Variants in WDR49 observed in about 807,000 individuals in gnomAD.
The protein encoded by WDR49 is cilia- and flagella-associated protein 337.
A neutral mutation model predicts 119.5 loss-of-function variants in WDR49; 107 were observed. The ratio of observed to expected loss-of-function variants is 0.90; its 90% CI spans 0.77 to 1.05. WDR49 has a LOEUF of 1.05. WDR49 is among the 50% of genes least tolerant of loss of function. The pLI, the probability that WDR49 is intolerant of heterozygous loss-of-function variation, is 0.00. For synonymous variants in WDR49, 425 were observed against 418.8 expected, an observed-to-expected ratio of 1.01 and a Z score of -0.18; for missense variants, 1,240 against 1,220.5, an observed-to-expected ratio of 1.02 and a Z score of -0.24.
chr3:167,572,730 G>A (rs1274378541), intron 8 of WDR49, among the ~76,000 whole-genome samples: 2 of 152,194 alleles, frequency 1.3e-5, no homozygotes, highest in Non-Finnish European at 2.9e-5. Context: ...GTGTTTTACT[G>A]GGAAAACAAC....
In WDR49 at chr3:167,527,963, T is replaced by C; in HGVS notation, c.2461A>G (p.Arg821Gly). ...CGGTCCTCATGAGGTTGGAATGATC[T>C]TATCAGAGTTGGGGCCTTGGTGATT... ...NKITKAPTLI[R>G]SFQPHEDRIS... Residue 821 changes from arginine (R) to glycine (G), a missense_variant, in exon 15 of 19, where the codon AGA (arginine) becomes GGA (glycine). By Grantham distance (125) the Arg-to-Gly change is moderately radical. Coordinates refer to ENST00000682715, the MANE Select transcript of WDR49 (RefSeq NM_001366157.1). 1 of 1,613,296 alleles carries C rather than the reference T, an allele frequency of 6.2e-7. No individual in the cohort carries two copies. Among genetic ancestry groups the C allele is most frequent in the African/African-American group, 1.3e-5 (1 of 74,994 alleles).
At chr3:167,521,910 A>G (rs1361057447) in intron 16 of WDR49, among the ~76,000 whole-genome samples, 1 of 152,110 alleles carries the variant, frequency 6.6e-6, no homozygotes, top group Admixed American at 6.6e-5. Flanking sequence ...CTTTTGTCAC[A>G]TAAACCGCTG....
intron 2 of WDR49, among the ~76,000 whole-genome samples, chr3:167,641,675 C>T (rs1717887273): frequency 6.6e-6 from 1 of 151,816 alleles, no homozygotes; most frequent in African/African-American, 2.4e-5. Context: ...CATTTTCCCT[C>T]AAAAATAATC....
At chr3:167,517,115 G>A (rs947531484) in intron 16 of WDR49, among the ~76,000 whole-genome samples, 43 of 152,170 alleles carry the variant, frequency 2.8e-4, no homozygotes, top group African/African-American at 9.6e-4. Context: ...TTACACTGTT[G>A]GTGGGACTGT....
At chr3:167,598,804 C>G (rs1715621862) in intron 7 of WDR49, among the ~76,000 whole-genome samples, 1 of 152,186 alleles carries the variant, frequency 6.6e-6, no homozygotes, top group South Asian at 2.1e-4. Context: ...TAGGGGGCAC[C>G]CCAAACCCAG....
At chr3:167,577,309 G>T (rs1362390432) in intron 7 of WDR49, among the ~76,000 whole-genome samples, 1 of 152,124 alleles carries the variant, frequency 6.6e-6, no homozygotes, top group Admixed American at 6.5e-5. Context: ...GAATTAACAG[G>T]CTACTGAGGG....
chr3:167,538,508 C>T (rs1421594793), intron 10 of WDR49, among the ~76,000 whole-genome samples: 5 of 152,036 alleles, frequency 3.3e-5, no homozygotes, highest in East Asian at 1.9e-4. Flanking sequence ...ATTGTAACAG[C>T]GTACTGACAA....
intron 10 of WDR49, among the ~76,000 whole-genome samples, chr3:167,554,077 T>G (rs1712758892): frequency 6.6e-6 from 1 of 152,110 alleles, no homozygotes; most frequent in African/African-American, 2.4e-5. Flanking sequence ...TTAATTTTCC[T>G]ACTGCTTCTA....
intron 2 of WDR49, 36 bp downstream of exon 2, chr3:167,653,225 A>G (rs977228396): frequency 5.2e-6 from 8 of 1,535,134 alleles, no homozygotes; most frequent in Non-Finnish European, 6.1e-6. Flanking sequence ...CTTCATGAAC[A>G]ACTCAAACTA....
intron 8 of WDR49, among the ~76,000 whole-genome samples, chr3:167,570,948 C>G (rs1713903954): frequency 6.6e-6 from 1 of 151,406 alleles, no homozygotes; most frequent in South Asian, 2.1e-4. Flanking sequence ...AGGTAGGAAC[C>G]CAGGAGGCGG....
At chr3:167,553,872 A>C (rs538307077) in intron 10 of WDR49, among the ~76,000 whole-genome samples, 43 of 152,124 alleles carry the variant, frequency 2.8e-4, no homozygotes, top group African/African-American at 9.4e-4. Flanking sequence ...CATTAGAAAA[A>C]ACTCTTCCCT....
intron 16 of WDR49, among the ~76,000 whole-genome samples, chr3:167,517,089 G>A (rs912535147): frequency 3.0e-4 from 45 of 151,984 alleles, no homozygotes; most frequent in African/African-American, 8.7e-4. Context: ...GAGGATGTGG[G>A]TAAATAGGAA....
intron 7 of WDR49, among the ~76,000 whole-genome samples, chr3:167,592,244 A>G (rs1246143431): frequency 1.3e-5 from 2 of 152,048 alleles, no homozygotes; most frequent in Non-Finnish European, 2.9e-5. Context: ...TGTTGTTTCT[A>G]TTTATATCTT....
intron 3 of WDR49, among the ~76,000 whole-genome samples, 183 bp downstream of exon 3, chr3:167,626,669 A>C (rs1299283078): frequency 6.6e-6 from 1 of 152,066 alleles, no homozygotes; most frequent in Non-Finnish European, 1.5e-5. Flanking sequence ...CAGGAATCTG[A>C]GTCATCAGCC....
rs551076304 is a variant in WDR49 at position 167,556,413 on chromosome 3, C to G, written c.1675-1615G>C. Reference sequence around the variant, plus strand: ...CTCCTGTTGATGGTGGGTGCCAGACCCAGTCCTCAAGAGGGCACAAGCAGT... The same window carrying G: ...CTCCTGTTGATGGTGGGTGCCAGACGCAGTCCTCAAGAGGGCACAAGCAGT... On this transcript the variant is annotated intron_variant, in intron 9 of 18. Coordinates refer to ENST00000682715, the MANE Select transcript of WDR49 (RefSeq NM_001366157.1). Among the ~76,000 whole-genome samples, 27 of 152,270 alleles carry G rather than the reference C, an allele frequency of 1.8e-4. No individual in the cohort carries two copies. In the South Asian group the frequency reaches 5.6e-3, roughly 32 times the overall value.
intron 7 of WDR49, among the ~76,000 whole-genome samples, chr3:167,585,391 CGTGTGTGTGT>C (rs59424091): frequency 0.022 from 3,082 of 137,480 alleles, 85 homozygotes; most frequent in African/African-American, 0.067. Context: ...TAAAAGGGTG[CGTGTGTGTGT>C]GTGTGTGTGT....
At chr3:167,646,516 T>A (rs1278489551) in intron 2 of WDR49, among the ~76,000 whole-genome samples, 1 of 152,180 alleles carries the variant, frequency 6.6e-6, no homozygotes, top group African/African-American at 2.4e-5. Context: ...AGCAGCATTG[T>A]CCAATGGAAC....
intron 10 of WDR49, among the ~76,000 whole-genome samples, chr3:167,545,065 A>AT (rs1712094687): frequency 6.6e-6 from 1 of 152,236 alleles, no homozygotes; most frequent in Middle Eastern, 3.4e-3. Flanking sequence ...TTAAAAGAAC[A>AT]TATACAAATG....
At chr3:167,622,100 G>A (rs1716900713) in intron 3 of WDR49, among the ~76,000 whole-genome samples, 1 of 152,030 alleles carries the variant, frequency 6.6e-6, no homozygotes, top group Admixed American at 6.6e-5. Flanking sequence ...TTTACAAAGG[G>A]GAAAATATTT....
Sources: gnomAD v4.1 joint callset for allele counts (sites outside exome capture counted in the v4.1 genomes callset) on GRCh38, gnomAD v4.1.1 for gene constraint, MANE v1.5 for transcripts, NCBI Gene and HGNC (gene_info 2026-07-23, HGNC 2026-07-21) for gene names.